Variants in ROBO1 observed in about 807,000 individuals in gnomAD.
ROBO1 encodes roundabout homolog 1.
A neutral mutation model predicts 195.9 loss-of-function variants in ROBO1; 149 were observed. The ratio of observed to expected loss-of-function variants is 0.76; its 90% CI spans 0.67 to 0.87. ROBO1 has a LOEUF of 0.87. Among genes scored for constraint, ROBO1 ranks in the 40% least tolerant of loss-of-function variants. The pLI, the probability that ROBO1 is intolerant of heterozygous loss-of-function variation, is 0.00. For synonymous variants in ROBO1, 816 were observed against 733.2 expected, an observed-to-expected ratio of 1.11 and a Z score of -1.82; for missense variants, 1,933 against 2,068.3, an observed-to-expected ratio of 0.93 and a Z score of 1.27.
At chr3:78,650,219 T>G (rs1295838059) in intron 19 of ROBO1, among the ~76,000 whole-genome samples, 1 of 152,144 alleles carries the variant, frequency 6.6e-6, no homozygotes, top group African/African-American at 2.4e-5. Context: ...GTGCCTGACA[T>G]TCTTCTACTT....
chr3:79,271,678 A>T (rs151083235), intron 2 of ROBO1, among the ~76,000 whole-genome samples: 1 of 152,012 alleles, frequency 6.6e-6, no homozygotes, highest in East Asian at 1.9e-4. Flanking sequence ...AGATAATGGT[A>T]TATGTATGTA....
rs149111271 is a variant in ROBO1, at chr3:79,195,203, A to G, written c.89-69664T>C. 7.2e-5 allele frequency among the ~76,000 whole-genome samples: 11 copies of G among 151,740 alleles called. No individual in the cohort carries two copies. The East Asian group carries it at 1.7e-3, about 24-fold the overall frequency. On this transcript the variant is annotated intron_variant, in intron 2 of 30. Transcript: ENST00000464233. ...CTGTCATAAGAAAAATGGGAATAAT[A>G]ATAATACCTCCCTCAAAGGTCTGTT...
At chr3:78,698,870 T>G (rs2081357977) in intron 8 of ROBO1, among the ~76,000 whole-genome samples, 2 of 152,166 alleles carry the variant, frequency 1.3e-5, no homozygotes, top group African/African-American at 4.8e-5. Context: ...TCTAAAAATA[T>G]TGTCACTTTC....
chr3:79,661,550 T>G (rs559181439), intron 1 of ROBO1, among the ~76,000 whole-genome samples: 5 of 151,992 alleles, frequency 3.3e-5, no homozygotes, highest in Non-Finnish European at 7.4e-5. Flanking sequence ...CTATCGTCTT[T>G]TCCTTTCCAA....
chr3:79,045,261 T>C (rs1189108598), intron 3 of ROBO1, among the ~76,000 whole-genome samples: 1 of 152,120 alleles, frequency 6.6e-6, no homozygotes, highest in Non-Finnish European at 1.5e-5. Flanking sequence ...CTCCTAATTT[T>C]CATGATAATA....
Position 78,682,713 on chromosome 3 carries a change from AT to A in ROBO1, c.1342+3032del, listed in dbSNP as rs1177305358. Among the ~76,000 whole-genome samples the A allele has an allele frequency of 6.1e-5, 9 of 147,924 alleles. No homozygotes were observed. In the Admixed American group the frequency reaches 6.1e-4, roughly 10 times the overall value. On this transcript the variant is annotated intron_variant, in intron 10 of 30. Transcript: ENST00000464233. ...CACACAGTAATATCAAAAAATATAT[AT>A]ATACACAGTCACATAAAAATCATAT...
intron 2 of ROBO1, among the ~76,000 whole-genome samples, chr3:79,355,719 G>T (rs1055619816): frequency 6.6e-6 from 1 of 152,074 alleles, no homozygotes; most frequent in African/African-American, 2.4e-5. Flanking sequence ...GTTCATCCAT[G>T]TCGCTGCAAA....
chr3:79,388,200 T>C (rs888473049), intron 2 of ROBO1, among the ~76,000 whole-genome samples: 4 of 152,176 alleles, frequency 2.6e-5, no homozygotes, highest in Non-Finnish European at 5.9e-5. Context: ...AAATTATCTA[T>C]GTAACACATG....
At chr3:79,333,894 G>T (rs866118095) in intron 2 of ROBO1, among the ~76,000 whole-genome samples, 31 of 152,302 alleles carry the variant, frequency 2.0e-4, no homozygotes, top group African/African-American at 7.5e-4. Flanking sequence ...AATTAAATGA[G>T]TAAGGCTGCC....
intron 2 of ROBO1, among the ~76,000 whole-genome samples, chr3:79,309,197 G>A (rs940145876): frequency 1.3e-5 from 2 of 152,120 alleles, no homozygotes; most frequent in South Asian, 2.1e-4. Flanking sequence ...AGGATGAAGG[G>A]AACATCTCAG....
At chr3:78,909,701 A>C (rs906320509) in intron 4 of ROBO1, among the ~76,000 whole-genome samples, 2 of 151,786 alleles carry the variant, frequency 1.3e-5, no homozygotes, top group Admixed American at 6.6e-5. Context: ...TGAAAAATGT[A>C]ATCACTTGAT....
chr3:79,155,455 T>C (rs969595770), intron 2 of ROBO1, among the ~76,000 whole-genome samples: 3 of 151,844 alleles, frequency 2.0e-5, no homozygotes, highest in Non-Finnish European at 4.4e-5. Context: ...TAAGACCTTT[T>C]TTCTTTGCCT....
In ROBO1 at chr3:79,373,246, G is replaced by C. The variant is rs189641145; in HGVS notation, c.88+216578C>G. Among the ~76,000 whole-genome samples, 370 of 152,178 alleles carry C rather than the reference G, an allele frequency of 2.4e-3. 2 individuals carry two copies. Among genetic ancestry groups the C allele is most frequent in the African/African-American group, 7.6e-3 (315 of 41,534 alleles). On this transcript the variant is annotated intron_variant, in intron 2 of 30. Transcript: ENST00000464233. ...GTCTACTTAAATGTATTTCATGCTT[G>C]AAGTATCTATTTCATTGTTAATATG...
At chr3:79,185,024 A>G (rs1214970830) in intron 2 of ROBO1, among the ~76,000 whole-genome samples, 1 of 152,154 alleles carries the variant, frequency 6.6e-6, no homozygotes, top group Non-Finnish European at 1.5e-5. Context: ...ACACAACTTC[A>G]AAAAGCTCGG....
At chr3:79,591,410 T>C (rs1466394575) in intron 1 of ROBO1, among the ~76,000 whole-genome samples, 1 of 151,880 alleles carries the variant, frequency 6.6e-6, no homozygotes, top group Non-Finnish European at 1.5e-5. Context: ...TATAATCACC[T>C]GACTTTACTT....
chr3:79,723,171 G>A (rs142216192), intron 1 of ROBO1, among the ~76,000 whole-genome samples: 78 of 152,214 alleles, frequency 5.1e-4, no homozygotes, highest in African/African-American at 1.8e-3. Context: ...ATGTTGGATC[G>A]TACAAGGATT....
chr3:78,877,947 G>T (rs1190813215), intron 4 of ROBO1, among the ~76,000 whole-genome samples: 1 of 152,090 alleles, frequency 6.6e-6, no homozygotes, highest in East Asian at 1.9e-4. Context: ...TCCAAATTGG[G>T]ACTATAGCAT....
intron 8 of ROBO1, among the ~76,000 whole-genome samples, chr3:78,706,370 G>T (rs1371399047): frequency 6.6e-6 from 1 of 152,148 alleles, no homozygotes; most frequent in Non-Finnish European, 1.5e-5. Flanking sequence ...AGCAAGAAAG[G>T]AGGCTAGTAT....
intron 1 of ROBO1, among the ~76,000 whole-genome samples, chr3:79,679,725 G>C (rs1946887251): frequency 6.6e-6 from 1 of 151,896 alleles, no homozygotes; most frequent in African/African-American, 2.4e-5. Context: ...ATGGGAGAGT[G>C]AGAACAAAAT....
Sources: gnomAD v4.1 joint callset for allele counts (sites outside exome capture counted in the v4.1 genomes callset) on GRCh38, gnomAD v4.1.1 for gene constraint, MANE v1.5 for transcripts, NCBI Gene and HGNC (gene_info 2026-07-23, HGNC 2026-07-21) for gene names.